TANC2: variants seen among roughly 807,000 people sequenced by gnomAD.
TANC2 encodes protein TANC2.
Under a neutral mutation model 210.5 loss-of-function variants are expected in TANC2, and 26 were observed. That is an observed-to-expected ratio of 0.12 (90% CI 0.09 to 0.17). The LOEUF (loss-of-function observed/expected upper bound fraction) is 0.17, where lower values mean the gene tolerates loss of function less well. Among genes scored for constraint, TANC2 ranks in the 10% least tolerant of loss-of-function variants. The pLI is 1.00. For synonymous variants in TANC2, 931 were observed against 967.1 expected (o/e 0.96, Z 0.69); for missense variants, 2,129 against 2,608.9 (o/e 0.82, Z 4.01).
At chr17:63,073,746 G>A (rs2036478650) in intron 2 of TANC2, among the ~76,000 whole-genome samples, 197 bp from the exon 3 acceptor site, 1 of 152,130 alleles carries the variant, frequency 6.6e-6, no homozygotes, top group Admixed American at 6.6e-5. Flanking sequence ...GACTTCAAGA[G>A]GGGAGTGTAA....
chr17:62,992,793 T>C (rs536880980), intron 1 of TANC2, among the ~76,000 whole-genome samples: 2 of 152,354 alleles, frequency 1.3e-5, no homozygotes, highest in African/African-American at 4.8e-5. Context: ...TTATAATTTG[T>C]TTCCTATTGC....
intron 15 of TANC2, among the ~76,000 whole-genome samples, chr17:63,387,525 G>T (rs1378938996): frequency 6.6e-6 from 1 of 152,182 alleles, no homozygotes. Context: ...GGTATTCTAG[G>T]CAAGAACATT....
At chr17:63,316,787 G>A (rs966893948) in intron 10 of TANC2, among the ~76,000 whole-genome samples, 1 of 152,100 alleles carries the variant, frequency 6.6e-6, no homozygotes, top group Non-Finnish European at 1.5e-5. Flanking sequence ...GAAGGGTCAA[G>A]AATAAGTGAC....
chr17:63,066,141 G>A (rs1028563883), intron 2 of TANC2, among the ~76,000 whole-genome samples: 8 of 152,168 alleles, frequency 5.3e-5, no homozygotes, highest in Admixed American at 1.3e-4. Flanking sequence ...TGGCCCTCAG[G>A]GTCAGGCCTG....
At chr17:63,140,370 G>C (rs753952487) in intron 4 of TANC2, among the ~76,000 whole-genome samples, 1 of 152,188 alleles carries the variant, frequency 6.6e-6, no homozygotes, top group African/African-American at 2.4e-5. Context: ...ACAAATGTTG[G>C]TTTCTAATTC....
intron 14 of TANC2, among the ~76,000 whole-genome samples, chr17:63,374,195 A>G (rs1412780939): frequency 6.6e-6 from 1 of 151,788 alleles, no homozygotes; most frequent in Admixed American, 6.6e-5. Context: ...CGCCAGCACA[A>G]CTGGCTAACT....
At chr17:63,344,320 G>A (rs1233627043) in intron 12 of TANC2, among the ~76,000 whole-genome samples, 1 of 152,174 alleles carries the variant, frequency 6.6e-6, no homozygotes. Flanking sequence ...ACCAATTAGT[G>A]ATAAAAACTA....
intron 1 of TANC2, among the ~76,000 whole-genome samples, chr17:63,003,278 A>G (rs1019136854): frequency 6.6e-6 from 1 of 152,198 alleles, no homozygotes; most frequent in African/African-American, 2.4e-5. Flanking sequence ...TACCTGTTCA[A>G]ATCTTTTACC....
At chr17:63,143,737 A>T (rs914293489) in intron 4 of TANC2, among the ~76,000 whole-genome samples, 3 of 152,160 alleles carry the variant, frequency 2.0e-5, no homozygotes, top group Non-Finnish European at 4.4e-5. Context: ...TTATTTATAG[A>T]TTTTAAATGA....
At chr17:63,094,624 A>G (rs543407215) in intron 3 of TANC2, among the ~76,000 whole-genome samples, 2 of 152,302 alleles carry the variant, frequency 1.3e-5, no homozygotes, top group Admixed American at 1.3e-4. Context: ...ATTGTCTTCA[A>G]TGGAAGAGTT....
At chr17:63,019,095 A>G (rs1219645825) in intron 2 of TANC2, among the ~76,000 whole-genome samples, 1 of 152,196 alleles carries the variant, frequency 6.6e-6, no homozygotes, top group Non-Finnish European at 1.5e-5. Context: ...TTTTAATTGC[A>G]TGTTAATTTA....
intron 5 of TANC2, among the ~76,000 whole-genome samples, chr17:63,168,181 A>C (rs141884733): frequency 2.0e-5 from 3 of 152,288 alleles, no homozygotes; most frequent in Non-Finnish European, 4.4e-5. Context: ...CAGCTTAGGC[A>C]ACATAGCAAG....
intron 4 of TANC2, among the ~76,000 whole-genome samples, chr17:63,127,583 T>C (rs2038755727): frequency 6.6e-6 from 1 of 152,180 alleles, no homozygotes; most frequent in Non-Finnish European, 1.5e-5. Context: ...TTTATGAAAA[T>C]CTATTCATGC....
chr17:63,020,601 G>A (rs2034306509), intron 2 of TANC2, among the ~76,000 whole-genome samples: 1 of 152,198 alleles, frequency 6.6e-6, no homozygotes, highest in Non-Finnish European at 1.5e-5. Flanking sequence ...AGTATAGTAT[G>A]CTGGTTGCTT....
intron 4 of TANC2, among the ~76,000 whole-genome samples, chr17:63,142,836 T>C (rs2039334335): frequency 6.6e-6 from 1 of 152,190 alleles, no homozygotes; most frequent in Non-Finnish European, 1.5e-5. Context: ...TAATAGAAAA[T>C]TAACATATAT....
chr17:63,223,589 T>C (rs1345368698), intron 7 of TANC2, among the ~76,000 whole-genome samples: 2 of 29,974 alleles, frequency 6.7e-5, no homozygotes, highest in Non-Finnish European at 1.2e-4. Context: ...ATATAGTGTA[T>C]ATATATATAT....
intron 11 of TANC2, among the ~76,000 whole-genome samples, chr17:63,324,407 A>G (rs189143390): frequency 6.6e-6 from 1 of 152,350 alleles, no homozygotes; most frequent in East Asian, 1.9e-4. Flanking sequence ...CTGTCAGCCA[A>G]AGAAGTAGTC....
intron 2 of TANC2, among the ~76,000 whole-genome samples, chr17:63,060,592 C>G (rs2035960981): frequency 6.6e-6 from 1 of 151,212 alleles, no homozygotes; most frequent in Non-Finnish European, 1.5e-5. Context: ...TGCACTCCAA[C>G]CTGGGAGATA....
intron 9 of TANC2, among the ~76,000 whole-genome samples, chr17:63,306,360 A>G (rs902061155): frequency 2.0e-5 from 3 of 152,252 alleles, no homozygotes; most frequent in Admixed American, 6.5e-5. Flanking sequence ...ATAACAAAAT[A>G]CTTCACTCAT....
Sources: gnomAD v4.1 joint callset for allele counts (sites outside exome capture counted in the v4.1 genomes callset) on GRCh38, gnomAD v4.1.1 for gene constraint, MANE v1.5 for transcripts, NCBI Gene and HGNC (gene_info 2026-07-23, HGNC 2026-07-21) for gene names.